The following CCDC88A variants were observed in gnomAD, a reference collection of about 807,000 sequenced individuals.
CCDC88A encodes girdin.
CCDC88A carries 54 observed loss-of-function variants against 234.3 expected under a neutral mutation model. That is an observed-to-expected ratio of 0.23 (90% CI 0.19 to 0.29). CCDC88A has a LOEUF of 0.29. Ranked by LOEUF, CCDC88A falls within the 10% of genes least tolerant of loss-of-function variation. The pLI, the probability that CCDC88A is intolerant of heterozygous loss-of-function variation, is 1.00. For missense variants in CCDC88A, 1,832 were observed against 2,123.4 expected (o/e 0.86, Z 2.70); for synonymous variants, 753 against 737.8 (o/e 1.02, Z -0.33).
intron 7 of CCDC88A, among the ~76,000 whole-genome samples, chr2:55,358,133 C>A (rs1247566914): frequency 2.0e-5 from 3 of 152,120 alleles, no homozygotes; most frequent in Non-Finnish European, 4.4e-5. Context: ...TACTGACTCA[C>A]TCTTTGAAGA....
At chr2:55,370,475 C>T (rs1672650364) in intron 5 of CCDC88A, among the ~76,000 whole-genome samples, 1 of 151,370 alleles carries the variant, frequency 6.6e-6, no homozygotes, top group Non-Finnish European at 1.5e-5. Context: ...AACCCTGTCT[C>T]TACTAAAAAT....
intron 16 of CCDC88A, among the ~76,000 whole-genome samples, chr2:55,331,019 T>C (rs1684851988): frequency 6.6e-6 from 1 of 152,184 alleles, no homozygotes; most frequent in Non-Finnish European, 1.5e-5. Flanking sequence ...TCAATTAACA[T>C]TGGCTAACTG....
Position 55,334,267 on chromosome 2 carries a change from A to T in CCDC88A, c.2554T>A (p.Leu852Ile). Residue 852 changes from leucine to isoleucine, a missense_variant, in exon 15 of 33, where the codon TTA becomes ATA. Leu to Ile is a conservative substitution (Grantham distance 5, BLOSUM62 2). Transcript: ENST00000436346. This position sits in a 1 kb window ranked among gnomAD's most constrained non-coding sequence, Gnocchi z 6.1. ...RQQAEIKDTT[L>I]EENNVKIGNL... ...CCAATCTTCACATTATTTTCTTCTAATGTGGTATCTTTAATTTCTGCTTGT... is the reference window on the plus strand; with the variant it reads ...CCAATCTTCACATTATTTTCTTCTATTGTGGTATCTTTAATTTCTGCTTGT... 1 of 1,449,742 alleles carries T rather than the reference A, an allele frequency of 6.9e-7. No homozygotes were observed. Among genetic ancestry groups the T allele is most frequent in the Non-Finnish European group, 9.1e-7 (1 of 1,104,926 alleles). 89.8% of individuals were successfully genotyped at this position (1,449,742 alleles called of 1,614,324 possible). A position where few individuals can be genotyped will look rare whatever the true frequency, so the allele number is the denominator to read the frequency against.
intron 26 of CCDC88A, among the ~76,000 whole-genome samples, chr2:55,302,342 C>T (rs1334534974): frequency 1.3e-5 from 2 of 152,086 alleles, no homozygotes; most frequent in East Asian, 1.9e-4. Flanking sequence ...GACTGCCATG[C>T]GATTGTGCAG....
Position 55,419,154 on chromosome 2 carries a change from T to A in CCDC88A, c.-75A>T, listed in dbSNP as rs977080464. 76 of 872,986 alleles carry A rather than the reference T, an allele frequency of 8.7e-5. No individual in the cohort carries two copies. The African/African-American group carries it at 1.1e-3, about 13-fold the overall frequency. The allele number at this position is 872,986 out of a possible 1,614,324, so 54.1% of individuals were successfully genotyped here. A position where few individuals can be genotyped will look rare whatever the true frequency, so the allele number is the denominator to read the frequency against. On this transcript the variant is annotated 5_prime_UTR_variant, in exon 1 of 33. Transcript: ENST00000436346. The stretch of plus-strand genomic sequence containing the variant: ...GGGAATTGGTCACTAAACGTGGAAG[T>A]AAGTAGAAATCAATGAAAGTCCATT...
chr2:55,344,642 T>C (rs982816764), intron 10 of CCDC88A, 128 bp from the exon 11 acceptor site: 22 of 463,648 alleles, frequency 4.7e-5, no homozygotes, highest in African/African-American at 2.4e-4. Flanking sequence ...TACTGAGTAA[T>C]AGAAATACAA....
At chr2:55,381,043 T>C (rs1003679578) in intron 3 of CCDC88A, among the ~76,000 whole-genome samples, 1 of 152,214 alleles carries the variant, frequency 6.6e-6, no homozygotes, top group Non-Finnish European at 1.5e-5. Flanking sequence ...TATAAAACCA[T>C]ATTTTTACTA....
intron 12 of CCDC88A, chr2:55,340,328 T>C (rs1426907997): frequency 3.9e-5 from 6 of 152,254 alleles, no homozygotes; most frequent in Non-Finnish European, 7.3e-5. Flanking sequence ...TCTGCTTTTG[T>C]GTATGTTTCA....
chr2:55,329,416 A>T (rs750819837), intron 16 of CCDC88A: 28 of 152,182 alleles, frequency 1.8e-4, no homozygotes, highest in Non-Finnish European at 3.5e-4. Context: ...TTTTCTTCTC[A>T]ATCAGATTTT....
chr2:55,318,408 T>A (rs981331796), intron 19 of CCDC88A, among the ~76,000 whole-genome samples: 2 of 152,138 alleles, frequency 1.3e-5, no homozygotes, highest in Non-Finnish European at 2.9e-5. Flanking sequence ...TTGTTCTGTT[T>A]TAAAAGACAC....
intron 5 of CCDC88A, among the ~76,000 whole-genome samples, chr2:55,367,997 T>C (rs1047510558): frequency 6.6e-6 from 1 of 152,210 alleles, no homozygotes; most frequent in Admixed American, 6.5e-5. Flanking sequence ...GAATTTCACA[T>C]AGTCTTAGAA....
At chr2:55,365,592 T>C (rs749815568) in intron 5 of CCDC88A, among the ~76,000 whole-genome samples, 8 of 152,186 alleles carry the variant, frequency 5.3e-5, no homozygotes, top group Non-Finnish European at 1.0e-4. Context: ...GCTCGTCCTT[T>C]AGCACAATCT....
In CCDC88A at chr2:55,298,893, A is replaced by C. The variant is rs748976784; in HGVS notation, c.4825+946T>G. Among the ~76,000 whole-genome samples the C allele has an allele frequency of 8.6e-3, 1,173 of 137,148 alleles. 11 individuals carry two copies. Among genetic ancestry groups the C allele is most frequent in the South Asian group, 0.02 (86 of 4,254 alleles). 90.0% of individuals were successfully genotyped at this position (137,148 alleles called of 152,430 possible). On this transcript the variant is annotated intron_variant, in intron 29 of 32. Transcript: ENST00000436346. ...CGTCTCAAAAAAAAAAAAAAAAAAA[A>C]CACAAAAAAACAAAAAACCCTCCAG...
chr2:55,373,405 C>T (rs1239630772), intron 4 of CCDC88A, among the ~76,000 whole-genome samples: 1 of 152,198 alleles, frequency 6.6e-6, no homozygotes, highest in Admixed American at 6.5e-5. Context: ...CTAGGCACAG[C>T]TCTTATCATC....
Position 55,362,371 on chromosome 2 carries a change from T to A in CCDC88A, c.564A>T (p.Pro188=), listed in dbSNP as rs1389364598. The change falls in exon 7 of 33, where the codon CCA becomes CCT. Residue 188 remains proline, a synonymous_variant. Transcript: ENST00000436346. ...VTDMSQEDIE[P]LLKNMALHLK... is the part of the protein sequence containing the mutation. Reference sequence around the variant, plus strand: ...GATGCAATGCCATATTTTTCAAGAGTGGTTCTATGTCCTCCTGCGACATAT... The same window carrying A: ...GATGCAATGCCATATTTTTCAAGAGAGGTTCTATGTCCTCCTGCGACATAT... 18 of 1,599,766 alleles carry A rather than the reference T, an allele frequency of 1.1e-5. No homozygotes were observed. The highest frequency in any genetic ancestry group is 1.4e-5 in the Non-Finnish European group (17 of 1,174,124).
At chr2:55,409,955 G>A (rs1019638520) in intron 2 of CCDC88A, among the ~76,000 whole-genome samples, 7 of 151,884 alleles carry the variant, frequency 4.6e-5, no homozygotes, top group Non-Finnish European at 5.9e-5. Flanking sequence ...TGGCCAGGCT[G>A]ATCTTGAACT....
At chr2:55,383,950 G>A (rs1040450829) in intron 3 of CCDC88A, among the ~76,000 whole-genome samples, 7 of 152,192 alleles carry the variant, frequency 4.6e-5, no homozygotes, top group East Asian at 3.9e-4. Context: ...TGGTTGGTGC[G>A]AAAGTAATTG....
At chr2:55,383,103 A>T (rs1370691814) in intron 3 of CCDC88A, among the ~76,000 whole-genome samples, 1 of 151,210 alleles carries the variant, frequency 6.6e-6, no homozygotes, top group Non-Finnish European at 1.5e-5. Context: ...GAGTACTGAC[A>T]TTTAAATTTA....
chr2:55,307,992 T>C (rs1681840966), intron 25 of CCDC88A: 1 of 152,370 alleles, frequency 6.6e-6, no homozygotes, highest in African/African-American at 2.5e-5. Context: ...TTTTTTTTTT[T>C]TTGAGATGGA....
Sources: gnomAD v4.1 joint callset for allele counts (sites outside exome capture counted in the v4.1 genomes callset) on GRCh38, gnomAD v4.1.1 for gene constraint, Gnocchi (gnomAD v3.1) non-coding constraint, MANE v1.5 for transcripts, NCBI Gene and HGNC (gene_info 2026-07-23, HGNC 2026-07-21) for gene names.